Variants in ATG5 observed in about 807,000 individuals in gnomAD.
ATG5 encodes autophagy protein 5.
ATG5 carries 14 observed loss-of-function variants against 36.5 expected under a neutral mutation model. That is an observed-to-expected ratio of 0.38 (90% CI 0.25 to 0.60). The LOEUF (loss-of-function observed/expected upper bound fraction) is 0.60. ATG5 is among the 20% of genes least tolerant of loss of function. The pLI is 0.60. For synonymous variants in ATG5, 95 were observed against 101.5 expected, an observed-to-expected ratio of 0.94 and a Z score of 0.38; for missense variants, 195 against 326.7, an observed-to-expected ratio of 0.60 and a Z score of 3.11.
intron 5 of ATG5, among the ~76,000 whole-genome samples, chr6:106,269,691 T>G (rs1373367944): frequency 6.6e-6 from 1 of 152,208 alleles, no homozygotes; most frequent in African/African-American, 2.4e-5. Context: ...GCCGGCCGGC[T>G]GCTCCGAGTG....
chr6:106,322,958 CG>C (rs1340387657), intron 1 of ATG5, among the ~76,000 whole-genome samples: 2 of 152,122 alleles, frequency 1.3e-5, no homozygotes, highest in African/African-American at 4.8e-5. Flanking sequence ...CTCGCTCTGT[CG>C]CCCAGGCTGG....
At position 106,248,287 on chromosome 6, in the gene ATG5, T is replaced by C. The variant is rs750751752; in HGVS notation, c.479-43A>G. 11 of 1,376,440 alleles carry C rather than the reference T, an allele frequency of 8.0e-6. No individual in the cohort carries two copies. In the African/African-American group the frequency reaches 1.4e-4, roughly 18 times the overall value. 85.3% of individuals were successfully genotyped at this position (1,376,440 alleles called of 1,614,324 possible). ...ATTTGTTATTAAAAATGAACAACAT[T>C]ATAATGGAATACCTCACATGAAGAG... On this transcript the variant is annotated intron_variant, in intron 5 of 7. Transcript: ENST00000369076.
At position 106,320,831 on chromosome 6, in the gene ATG5, T is replaced by A. The variant is rs1309221977; in HGVS notation, c.-58-4565A>T. ...ATAGTGCCTACCGGTTTTAGAATGG[T>A]AAAATAAAAACAATTATCTGGTAGC... On this transcript the variant is annotated intron_variant, in intron 1 of 7. Coordinates refer to ENST00000369076, the MANE Select transcript of ATG5 (RefSeq NM_004849.4). Among the ~76,000 whole-genome samples, 3 of 152,080 alleles carry A rather than the reference T, an allele frequency of 2.0e-5. No homozygotes were observed. The East Asian group carries it at 5.8e-4, about 29-fold the overall frequency.
At chr6:106,193,416 TATTA>T (rs1322034812) in intron 7 of ATG5, among the ~76,000 whole-genome samples, 2 of 152,190 alleles carry the variant, frequency 1.3e-5, no homozygotes, top group African/African-American at 4.8e-5. Flanking sequence ...AACATGTCCA[TATTA>T]ATTCTTTCAT....
chr6:106,266,558 T>C (rs1779237598), intron 5 of ATG5, among the ~76,000 whole-genome samples: 1 of 152,052 alleles, frequency 6.6e-6, no homozygotes, highest in Admixed American at 6.5e-5. Context: ...AAAAAGAAAA[T>C]TTCAGGCCAA....
intron 4 of ATG5, among the ~76,000 whole-genome samples, chr6:106,289,303 C>T (rs2114622351): frequency 6.6e-6 from 1 of 152,144 alleles, no homozygotes; most frequent in Admixed American, 6.5e-5. Context: ...GGCAGGCCTA[C>T]ATCAATCAGT....
chr6:106,219,602 G>T (rs2114422075), intron 6 of ATG5, among the ~76,000 whole-genome samples: 1 of 152,208 alleles, frequency 6.6e-6, no homozygotes, highest in South Asian at 2.1e-4. Flanking sequence ...ATACAAGAGG[G>T]TATGCATAGG....
At chr6:106,255,248 C>T (rs1778756173) in intron 5 of ATG5, among the ~76,000 whole-genome samples, 1 of 152,172 alleles carries the variant, frequency 6.6e-6, no homozygotes, top group African/African-American at 2.4e-5. Flanking sequence ...TTTCCAACCC[C>T]TTCTTCTTCT....
chr6:106,282,138 A>C (rs369682504), intron 4 of ATG5, among the ~76,000 whole-genome samples: 5 of 152,370 alleles, frequency 3.3e-5, no homozygotes, highest in African/African-American at 1.2e-4. Context: ...TACAATGCAC[A>C]CATGTGCACA....
chr6:106,232,885 T>C (rs190095869), intron 6 of ATG5, among the ~76,000 whole-genome samples: 2 of 152,284 alleles, frequency 1.3e-5, no homozygotes, highest in South Asian at 2.1e-4. Context: ...ATCCTGACTC[T>C]CAATTCTTAT....
intron 6 of ATG5, among the ~76,000 whole-genome samples, chr6:106,228,693 C>T (rs1241029368): frequency 2.0e-5 from 3 of 152,130 alleles, no homozygotes; most frequent in African/African-American, 7.2e-5. Flanking sequence ...ATCTCCAAAG[C>T]GGTAATATTG....
chr6:106,256,356 G>T (rs1778798805), intron 5 of ATG5, among the ~76,000 whole-genome samples: 1 of 152,120 alleles, frequency 6.6e-6, no homozygotes, highest in African/African-American at 2.4e-5. Flanking sequence ...ACCAGGATAG[G>T]ATCATCTGAA....
At chr6:106,186,718 A>C (rs778187845) in intron 7 of ATG5, 42 bp from the exon 8 acceptor site, 22 of 1,599,900 alleles carry the variant, frequency 1.4e-5, no homozygotes, top group Non-Finnish European at 8.5e-6. Context: ...AAGTCAAAAC[A>C]GTTGAAGAAA....
intron 6 of ATG5, among the ~76,000 whole-genome samples, chr6:106,218,233 T>C (rs996962341): frequency 4.6e-5 from 7 of 152,174 alleles, no homozygotes; most frequent in Non-Finnish European, 8.8e-5. Flanking sequence ...ATGATAAACA[T>C]GGCCTCATGA....
chr6:106,206,305 A>G (rs1776632067), intron 6 of ATG5, among the ~76,000 whole-genome samples: 1 of 152,198 alleles, frequency 6.6e-6, no homozygotes, highest in Non-Finnish European at 1.5e-5. Context: ...TGAAGCAGAG[A>G]GCAGCCCTCA....
At chr6:106,224,387 T>C (rs1777366156) in intron 6 of ATG5, among the ~76,000 whole-genome samples, 1 of 152,190 alleles carries the variant, frequency 6.6e-6, no homozygotes, top group South Asian at 2.1e-4. Context: ...ATGAAGACAG[T>C]TCTGGTCCAT....
At position 106,186,525 on chromosome 6, in the gene ATG5, C is replaced by T. The variant is rs573329878; in HGVS notation, c.*15G>A. 6.2e-7 allele frequency: 1 copy of T among 1,612,600 alleles called. No individual in the cohort carries two copies. Among genetic ancestry groups the T allele is most frequent in the South Asian group, 1.1e-5 (1 of 91,004 alleles). On this transcript the variant is annotated 3_prime_UTR_variant, in exon 8 of 8. Coordinates refer to ENST00000369076, the MANE Select transcript of ATG5 (RefSeq NM_004849.4). ...CCATTTAAGGATGATTCTGTTCAGG[C>T]AAATAGTTGATCCTTCAATCTGTTG...
At chr6:106,251,721 AAGAG>A (rs981271708) in intron 5 of ATG5, among the ~76,000 whole-genome samples, 13 of 145,922 alleles carry the variant, frequency 8.9e-5, no homozygotes, top group African/African-American at 1.8e-4. Flanking sequence ...GAAAGAAAGA[AAGAG>A]AAAGAGAAAG....
intron 6 of ATG5, among the ~76,000 whole-genome samples, chr6:106,218,710 C>T (rs1201901475): frequency 2.6e-5 from 4 of 151,952 alleles, no homozygotes; most frequent in African/African-American, 9.7e-5. Flanking sequence ...CATAAGCAGA[C>T]GTCAGAATTG....
Sources: gnomAD v4.1 joint callset for allele counts (sites outside exome capture counted in the v4.1 genomes callset) on GRCh38, gnomAD v4.1.1 for gene constraint, MANE v1.5 for transcripts, NCBI Gene and HGNC (gene_info 2026-07-23, HGNC 2026-07-21) for gene names.